Variants in CTH observed in about 807,000 individuals in gnomAD.
CTH encodes the protein cystathionase (cystathionine gamma-lyase).
Under a neutral mutation model 50.6 loss-of-function variants are expected in CTH, and 41 were observed. The ratio of observed to expected loss-of-function variants is 0.81; its 90% CI spans 0.63 to 1.05. The LOEUF is 1.05. CTH is among the 50% of genes least tolerant of loss of function. CTH has a pLI of 0.00. For missense variants in CTH, 470 were observed against 492.6 expected (o/e 0.95, Z 0.43); for synonymous variants, 156 against 168.9 (o/e 0.92, Z 0.59).
At chr1:70,422,286 C>A (rs1684243013) in intron 4 of CTH, among the ~76,000 whole-genome samples, 1 of 152,082 alleles carries the variant, frequency 6.6e-6, no homozygotes, top group South Asian at 2.1e-4. Context: ...AATTTGTATG[C>A]CACCGGAAGG....
intron 5 of CTH, among the ~76,000 whole-genome samples, chr1:70,426,391 A>G (rs145898329): frequency 6.6e-6 from 1 of 152,048 alleles, no homozygotes; most frequent in African/African-American, 2.4e-5. Flanking sequence ...AAACCAGCTC[A>G]TTTTCTCTGG....
intron 3 of CTH, among the ~76,000 whole-genome samples, chr1:70,420,705 A>G (rs1403544562): frequency 6.6e-6 from 1 of 152,102 alleles, no homozygotes; most frequent in East Asian, 1.9e-4. Context: ...AATGTTTCGT[A>G]TTTTATCTTA....
Position 70,438,767 on chromosome 1 carries a change from G to A in CTH, c.1132G>A (p.Val378Met), listed in dbSNP as rs1160721132. ...GISDTLIRLS[V>M]GLEDEEDLLE... ...TAGTGACACACTGATTCGACTTTCT[G>A]TGGGCTTAGAGGATGAGGAAGACCT... The change falls in exon 11 of 12, where the codon GTG becomes ATG. Residue 378 changes from valine to methionine, a missense_variant. Val to Met is a conservative substitution (Grantham distance 21). Coordinates refer to ENST00000370938, the MANE Select transcript of CTH (RefSeq NM_001902.6). 1.9e-6 allele frequency: 3 copies of A among 1,613,884 alleles called. No individual in the cohort carries two copies. Among genetic ancestry groups the A allele is most frequent in the Non-Finnish European group, 2.5e-6 (3 of 1,180,032 alleles).
intron 7 of CTH, chr1:70,430,998 A>T (rs549395050): frequency 2.0e-5 from 3 of 152,466 alleles, no homozygotes; most frequent in Admixed American, 6.5e-5. Flanking sequence ...GCAACATGGC[A>T]AAACCCTGTC....
At chr1:70,426,894 G>C (rs1211487806) in intron 5 of CTH, among the ~76,000 whole-genome samples, 1 of 152,140 alleles carries the variant, frequency 6.6e-6, no homozygotes, top group Non-Finnish European at 1.5e-5. Flanking sequence ...ACGTTTTGTA[G>C]CCTGGACCTG....
At chr1:70,432,639 C>A (rs1381402856) in intron 8 of CTH, among the ~76,000 whole-genome samples, 1 of 149,106 alleles carries the variant, frequency 6.7e-6, no homozygotes, top group African/African-American at 2.5e-5. Flanking sequence ...CCAGTTGAGA[C>A]TTGATATTAG....
chr1:70,414,095 A>T (rs1331879859), intron 1 of CTH, among the ~76,000 whole-genome samples: 1 of 151,574 alleles, frequency 6.6e-6, no homozygotes, highest in African/African-American at 2.4e-5. Flanking sequence ...AACGGGAGGT[A>T]CCTTTCTGTG....
chr1:70,434,471 T>G (rs1213776304), intron 9 of CTH, among the ~76,000 whole-genome samples: 1 of 152,190 alleles, frequency 6.6e-6, no homozygotes, highest in East Asian at 1.9e-4. Flanking sequence ...CAGAATAGAT[T>G]AACAGAAAGC....
intron 4 of CTH, among the ~76,000 whole-genome samples, chr1:70,422,232 T>G (rs115327768): frequency 0.017 from 2,646 of 152,266 alleles, 81 homozygotes; most frequent in African/African-American, 0.06. Flanking sequence ...ACTAGTTAGA[T>G]GTGGAGAATA....
At chr1:70,435,579 C>T (rs1252434437) in intron 10 of CTH, among the ~76,000 whole-genome samples, 4 of 151,780 alleles carry the variant, frequency 2.6e-5, no homozygotes, top group Non-Finnish European at 5.9e-5. Flanking sequence ...TGATGAAACT[C>T]CTCCATGCCC....
rs1415065814 is a variant in CTH at position 70,421,625 on chromosome 1, G to A, written c.406G>A (p.Asp136Asn). Residue 136 changes from aspartate to asparagine, a missense_variant, in exon 4 of 12, where the codon GAT becomes AAT. Transcript: ENST00000370938. ...ATTTGGATTAAAGATTTCTTTTGTT[G>A]ATTGTTCCAAAATCAAATTACTAGA... Reference protein sequence around the residue: ...SEFGLKISFVDCSKIKLLEAA... With the variant: ...SEFGLKISFVNCSKIKLLEAA... The A allele has an allele frequency of 3.1e-6, 5 of 1,613,884 alleles. No individual in the cohort carries two copies. In the Admixed American group the frequency reaches 6.7e-5, roughly 22 times the overall value.
chr1:70,414,490 C>T (rs1211843410), intron 1 of CTH, among the ~76,000 whole-genome samples: 1 of 150,518 alleles, frequency 6.6e-6, no homozygotes, highest in Non-Finnish European at 1.5e-5. Context: ...GCGAGACTCC[C>T]TTTCAAAAAA....
At chr1:70,424,240 A>G (rs780122290) in intron 4 of CTH, 45 bp from the exon 5 acceptor site, 3 of 1,613,510 alleles carry the variant, frequency 1.9e-6, no homozygotes, top group Non-Finnish European at 2.5e-6. Context: ...GTATGTTTGT[A>G]AAGTATATTT....
At chr1:70,417,835 G>C in intron 2 of CTH, 102 bp from the exon 3 acceptor site, 1 of 1,275,516 alleles carries the variant, frequency 7.8e-7, no homozygotes, top group Non-Finnish European at 1.1e-6. Context: ...CAGCAGTGAT[G>C]GCTTCCTATC....
chr1:70,417,358 C>T (rs1684116156), intron 2 of CTH, among the ~76,000 whole-genome samples: 1 of 151,966 alleles, frequency 6.6e-6, no homozygotes, highest in Admixed American at 6.6e-5. Flanking sequence ...AATCTTGGCT[C>T]ACTGCAACCT....
Position 70,418,001 on chromosome 1 carries a change from C to T in CTH, c.315C>T (p.Asp105=). Residue 105 remains aspartate, a synonymous_variant, in exon 3 of 12, where the codon GAC becomes GAT. Transcript: ENST00000370938. ...VTITHLLKAG[D]QIICMDDVYG... is the part of the protein sequence containing the mutation. ...TTACCCATCTTTTAAAAGCAGGAGA[C>T]CAAATTATTTGTATGGATGATGTGT... The T allele has an allele frequency of 6.2e-7, 1 of 1,614,058 alleles. No individual in the cohort carries two copies. Among genetic ancestry groups the T allele is most frequent in the Non-Finnish European group, 8.5e-7 (1 of 1,180,012 alleles).
intron 8 of CTH, among the ~76,000 whole-genome samples, chr1:70,433,134 T>G (rs968340482): frequency 3.3e-5 from 5 of 152,224 alleles, no homozygotes; most frequent in Non-Finnish European, 5.9e-5. Flanking sequence ...TCCTAAGTAG[T>G]TCTTTTCTTT....
chr1:70,438,434 C>T (rs1684642661), intron 10 of CTH, among the ~76,000 whole-genome samples: 1 of 152,160 alleles, frequency 6.6e-6, no homozygotes, highest in Non-Finnish European at 1.5e-5. Context: ...TTGACACACA[C>T]TTTCAGTATT....
chr1:70,425,772 C>T (rs1684334072), intron 5 of CTH, among the ~76,000 whole-genome samples: 2 of 152,178 alleles, frequency 1.3e-5, no homozygotes. Context: ...CACAAGAACT[C>T]ACTCACAATT....
Sources: gnomAD v4.1 joint callset for allele counts (sites outside exome capture counted in the v4.1 genomes callset) on GRCh38, gnomAD v4.1.1 for gene constraint, MANE v1.5 for transcripts, NCBI Gene and HGNC (gene_info 2026-07-23, HGNC 2026-07-21) for gene names.